CHD2: variants seen among roughly 807,000 people sequenced by gnomAD.
CHD2 encodes the protein chromodomain helicase DNA binding protein 2.
CHD2 carries 28 observed loss-of-function variants against 243.9 expected under a neutral mutation model. The observed-to-expected ratio is 0.11, with a 90% CI of 0.09 to 0.16. The LOEUF (loss-of-function observed/expected upper bound fraction) is 0.16. Ranked by LOEUF, CHD2 falls within the 10% of genes least tolerant of loss-of-function variation. The probability of loss-of-function intolerance (pLI) is 1.00; values close to 1 mark genes in which losing one functional copy is unlikely to be tolerated. For synonymous variants in CHD2, 775 were observed against 779.0 expected (o/e 0.99, Z 0.09); for missense variants, 1,386 against 2,209.8 (o/e 0.63, Z 7.47).
At chr15:92,982,218 A>G (rs1284953855) in intron 24 of CHD2, among the ~76,000 whole-genome samples, 1 of 152,236 alleles carries the variant, frequency 6.6e-6, no homozygotes, top group South Asian at 2.1e-4. Context: ...TTGGCCTTGG[A>G]AAGAAAAAGG....
intron 26 of CHD2, among the ~76,000 whole-genome samples, chr15:92,986,236 A>G (rs990425846): frequency 6.6e-6 from 1 of 152,122 alleles, no homozygotes; most frequent in African/African-American, 2.4e-5. Flanking sequence ...TCTGATTCAA[A>G]TGTCTCTATC....
intron 2 of CHD2, among the ~76,000 whole-genome samples, chr15:92,920,483 A>G (rs979040173): frequency 6.6e-6 from 1 of 152,240 alleles, no homozygotes; most frequent in Non-Finnish European, 1.5e-5. Context: ...TGATGCGGGC[A>G]TTGGCATTCC....
At chr15:92,948,667 A>G (rs2053509217) in intron 12 of CHD2, among the ~76,000 whole-genome samples, 1 of 152,080 alleles carries the variant, frequency 6.6e-6, no homozygotes. Flanking sequence ...CCCCATCTCT[A>G]CTAAAAATAC....
chr15:93,016,381 A>G (rs11074127), intron 37 of CHD2, among the ~76,000 whole-genome samples: 26,391 of 152,210 alleles, frequency 0.17, 2,965 homozygotes, highest in Non-Finnish European at 0.25. Flanking sequence ...GATATTAACA[A>G]CGGAGATAAA....
Position 92,956,582 on chromosome 15 carries a change from A to T in CHD2, c.1933A>T (p.Thr645Ser). The T allele has an allele frequency of 4.3e-6, 7 of 1,614,058 alleles. No individual in the cohort carries two copies. The highest frequency in any genetic ancestry group is 5.9e-6 in the Non-Finnish European group (7 of 1,179,942). Reference sequence around the variant, plus strand: ...CAAGTCCAACCATAGGCTCCTGATTACGGGGACCCCTCTTCAGAATTCCCT... The same window carrying T: ...CAAGTCCAACCATAGGCTCCTGATTTCGGGGACCCCTCTTCAGAATTCCCT... The part of the protein sequence containing the change: ...DFKSNHRLLI[T>S]GTPLQNSLKE... The change falls in exon 16 of 39, where the codon ACG becomes TCG. Residue 645 changes from threonine (T) to serine (S), a missense_variant. By Grantham distance (58) the Thr-to-Ser change is moderately conservative. This residue lies in a region of CHD2 where 118 missense variants were observed against 266.3 expected (regional missense o/e 0.44). Coordinates refer to ENST00000394196, the MANE Select transcript of CHD2 (RefSeq NM_001271.4).
chr15:92,904,051 A>G (rs2052570120), intron 2 of CHD2, among the ~76,000 whole-genome samples: 1 of 152,244 alleles, frequency 6.6e-6, no homozygotes, highest in Non-Finnish European at 1.5e-5. Context: ...CTAAACTAAT[A>G]GAAATCTGAA....
At chr15:92,922,352 A>C (rs1240392266) in intron 2 of CHD2, among the ~76,000 whole-genome samples, 1 of 152,190 alleles carries the variant, frequency 6.6e-6, no homozygotes, top group Non-Finnish European at 1.5e-5. Flanking sequence ...TACTTAGCCT[A>C]GTGTCTGATA....
chr15:92,906,607 T>C (rs2052625574), intron 2 of CHD2, among the ~76,000 whole-genome samples: 1 of 151,884 alleles, frequency 6.6e-6, no homozygotes, highest in South Asian at 2.1e-4. Flanking sequence ...GTTTCTGGTA[T>C]AAAAATTGAG....
chr15:93,006,701 C>T (rs1181349110), intron 34 of CHD2, among the ~76,000 whole-genome samples: 1 of 152,194 alleles, frequency 6.6e-6, no homozygotes, highest in East Asian at 1.9e-4. Context: ...AGTTTTGACC[C>T]AGGCAGTTCG....
chr15:93,019,376 T>A (rs1332724106), intron 37 of CHD2, among the ~76,000 whole-genome samples: 1 of 152,120 alleles, frequency 6.6e-6, no homozygotes, highest in Admixed American at 6.5e-5. Context: ...TAAACAGGTA[T>A]GGAGAGTGAA....
At chr15:92,932,652 CCTT>C (rs2053193123) in intron 5 of CHD2, among the ~76,000 whole-genome samples, 1 of 152,124 alleles carries the variant, frequency 6.6e-6, no homozygotes, top group Admixed American at 6.5e-5. Context: ...ACTTTCACAG[CCTT>C]CTTTTGCTTT....
intron 2 of CHD2, among the ~76,000 whole-genome samples, chr15:92,915,797 A>G (rs1348205220): frequency 1.3e-5 from 2 of 152,228 alleles, no homozygotes; most frequent in South Asian, 4.1e-4. Flanking sequence ...GAACTGTGTC[A>G]GGCAAACCTG....
chr15:92,993,440 C>A (rs1170073727), intron 28 of CHD2, among the ~76,000 whole-genome samples: 3 of 152,232 alleles, frequency 2.0e-5, no homozygotes, highest in African/African-American at 7.2e-5. Flanking sequence ...GGATGAGTAT[C>A]GTAAACATTT....
rs377348473 is a variant in CHD2, at chr15:92,938,406, A to G, written c.551+781A>G. On this transcript the variant is annotated intron_variant, in intron 6 of 38. Coordinates refer to ENST00000394196, the MANE Select transcript of CHD2 (RefSeq NM_001271.4). The stretch of plus-strand genomic sequence containing the variant: ...AATTTGTGAAAATTTATTTTCTTTC[A>G]TTATGTAAGGACCTATACATTGGTC... 1.5e-4 allele frequency among the ~76,000 whole-genome samples: 23 copies of G among 152,296 alleles called. No individual in the cohort carries two copies. The South Asian group carries it at 3.9e-3, about 26-fold the overall frequency.
rs78849798 is a variant in CHD2 at position 93,016,383 on chromosome 15, G to A, written c.4906+1474G>A. 7.1e-3 allele frequency among the ~76,000 whole-genome samples: 1,085 copies of A among 152,198 alleles called. 11 individuals are homozygous for A. The highest frequency in any genetic ancestry group is 0.025 in the African/African-American group (1,035 of 41,504). ...GGAGAATTGGGAAGATATTAACAACGGAGATAAAATTTCAGTTAGATATGA... is the reference window on the plus strand; with the variant it reads ...GGAGAATTGGGAAGATATTAACAACAGAGATAAAATTTCAGTTAGATATGA... On this transcript the variant is annotated intron_variant, in intron 37 of 38. Coordinates refer to ENST00000394196, the MANE Select transcript of CHD2 (RefSeq NM_001271.4).
chr15:93,016,364 T>C (rs1047575066), intron 37 of CHD2, among the ~76,000 whole-genome samples: 1 of 151,954 alleles, frequency 6.6e-6, no homozygotes, highest in African/African-American at 2.4e-5. Flanking sequence ...CAGGGGAGAA[T>C]TGGGAAGATA....
chr15:92,904,460 C>G (rs934537581), intron 2 of CHD2: 9 of 988,980 alleles, frequency 9.1e-6, no homozygotes, highest in Non-Finnish European at 2.4e-6. Context: ...GGCGCTTTCT[C>G]CTCCCCCTAC....
intron 3 of CHD2, 140 bp downstream of exon 3, chr15:92,924,692 C>T (rs1417991059): frequency 1.4e-5 from 9 of 664,370 alleles, no homozygotes; most frequent in South Asian, 3.7e-5. Context: ...AGTAGTATAT[C>T]TGAGGATACA....
At chr15:92,999,522 T>C (rs1224522235) in intron 31 of CHD2, among the ~76,000 whole-genome samples, 6 of 152,240 alleles carry the variant, frequency 3.9e-5, no homozygotes, top group Non-Finnish European at 8.8e-5. Flanking sequence ...AAATACAAGT[T>C]ACACCCTGTA....
Sources: gnomAD v4.1 joint callset for allele counts (sites outside exome capture counted in the v4.1 genomes callset) on GRCh38, gnomAD v4.1.1 for gene constraint, gnomAD v4.1.1 regional missense constraint, MANE v1.5 for transcripts, NCBI Gene and HGNC (gene_info 2026-07-23, HGNC 2026-07-21) for gene names.